RAD54B: variants seen among roughly 807,000 people sequenced by gnomAD.
RAD54B encodes the protein DNA repair and recombination protein RAD54B.
Under a neutral mutation model 95.8 loss-of-function variants are expected in RAD54B, and 78 were observed. The ratio of observed to expected loss-of-function variants is 0.81; its 90% CI spans 0.68 to 0.98. RAD54B has a LOEUF of 0.98. RAD54B is among the 50% of genes least tolerant of loss of function. The pLI, the probability that RAD54B is intolerant of heterozygous loss-of-function variation, is 0.00. For synonymous variants in RAD54B, 328 were observed against 354.9 expected (o/e 0.92, Z 0.85); for missense variants, 957 against 1,056.6 (o/e 0.91, Z 1.31).
intron 3 of RAD54B, among the ~76,000 whole-genome samples, chr8:94,453,856 A>G (rs1032180234): frequency 6.6e-6 from 1 of 152,056 alleles, no homozygotes; most frequent in African/African-American, 2.4e-5. Context: ...CAACGGCGCA[A>G]TCTCGGCTCA....
intron 3 of RAD54B, chr8:94,436,941 A>C (rs1812281308): frequency 6.9e-7 from 1 of 1,451,394 alleles, no homozygotes; most frequent in African/African-American, 1.4e-5. Flanking sequence ...CTCTTTTCAC[A>C]AACAGAAAAA....
At chr8:94,381,884 T>C (rs1472485956) in intron 11 of RAD54B, among the ~76,000 whole-genome samples, 12 of 151,754 alleles carry the variant, frequency 7.9e-5, no homozygotes, top group African/African-American at 1.4e-4. Flanking sequence ...GAGGCCGAGG[T>C]GGGCGGATCA....
chr8:94,436,736 ATCTAT>A, intron 3 of RAD54B: 1 of 1,550,670 alleles, frequency 6.4e-7, no homozygotes. Context: ...ATATCCCAAC[ATCTAT>A]TCTTTTCTAC....
intron 8 of RAD54B, among the ~76,000 whole-genome samples, chr8:94,394,402 T>A (rs1811095475): frequency 7.9e-6 from 1 of 126,608 alleles, no homozygotes; most frequent in Non-Finnish European, 1.7e-5. Flanking sequence ...TCCTTTAAAC[T>A]CAGAATTTTT....
intron 3 of RAD54B, among the ~76,000 whole-genome samples, chr8:94,439,730 G>C (rs908652000): frequency 9.2e-5 from 14 of 152,300 alleles, no homozygotes; most frequent in Non-Finnish European, 8.8e-5. Context: ...ACGTTTTCTG[G>C]TTTACAATTG....
rs369687524 is a variant in RAD54B at position 94,460,114 on chromosome 8, C to T, written c.136-1678G>A. ...CAGAGATTGCAGTGAGCCAAGATTG[C>T]GCCACTGCACTGCAGCCTGGGCAAC... is the stretch of plus-strand genomic sequence containing the variant. On this transcript the variant is annotated intron_variant, in intron 2 of 14. Coordinates refer to ENST00000336148, the MANE Select transcript of RAD54B (RefSeq NM_012415.3). Among the ~76,000 whole-genome samples the T allele has an allele frequency of 1.3e-3, 197 of 151,700 alleles. 1 individual carries two copies. The highest frequency in any genetic ancestry group is 4.4e-3 in the African/African-American group (182 of 41,308).
chr8:94,441,396 A>G (rs1180679162), intron 3 of RAD54B, among the ~76,000 whole-genome samples: 1 of 152,202 alleles, frequency 6.6e-6, no homozygotes, highest in Non-Finnish European at 1.5e-5. Flanking sequence ...TCTGGGTTCT[A>G]TTAGTTTGCT....
Position 94,386,156 on chromosome 8 carries a change from G to A in RAD54B, c.1985+828C>T, listed in dbSNP as rs540078446. ...TCATAACCCAAATCAGTAATTTTAA[G>A]AATCAAAACAAAAATCTTGGTACCA... On this transcript the variant is annotated intron_variant, in intron 11 of 14. Transcript: ENST00000336148. Among the ~76,000 whole-genome samples the A allele has an allele frequency of 2.7e-3, 410 of 152,168 alleles. 1 individual carries two copies. Among genetic ancestry groups the A allele is most frequent in the Non-Finnish European group, 4.3e-3 (289 of 67,994 alleles).
intron 3 of RAD54B, among the ~76,000 whole-genome samples, chr8:94,453,060 G>A (rs974338831): frequency 5.9e-5 from 9 of 152,024 alleles, no homozygotes; most frequent in African/African-American, 2.2e-4. Context: ...ACCTTGTGAT[G>A]AGTATCCTAC....
At chr8:94,430,938 CTCAA>C in intron 3 of RAD54B, 2 of 985,290 alleles carry the variant, frequency 2.0e-6, no homozygotes, top group Non-Finnish European at 1.2e-6. Flanking sequence ...TGCTTATATA[CTCAA>C]TCCACTTTTT....
intron 7 of RAD54B, among the ~76,000 whole-genome samples, chr8:94,399,852 T>C (rs1811226898): frequency 6.6e-6 from 1 of 152,180 alleles, no homozygotes; most frequent in African/African-American, 2.4e-5. Context: ...GCTAGCATGG[T>C]TGGGTTCTGG....
intron 14 of RAD54B, among the ~76,000 whole-genome samples, chr8:94,377,579 A>C (rs1470438578): frequency 7.7e-6 from 1 of 129,542 alleles, no homozygotes; most frequent in African/African-American, 2.9e-5. Flanking sequence ...AAAAAAAAAA[A>C]AACTCTAACT....
intron 11 of RAD54B, among the ~76,000 whole-genome samples, chr8:94,384,817 C>T (rs1324033053): frequency 6.6e-6 from 1 of 152,096 alleles, no homozygotes; most frequent in East Asian, 1.9e-4. Context: ...CTTAAGGACC[C>T]ACAAGGAGTC....
intron 8 of RAD54B, among the ~76,000 whole-genome samples, chr8:94,396,411 GT>G (rs1173500782): frequency 1.3e-5 from 2 of 148,936 alleles, no homozygotes; most frequent in Non-Finnish European, 3.0e-5. Flanking sequence ...CTTTTTCTTT[GT>G]TTTTTGGTTT....
At chr8:94,424,380 C>A (rs1298876200) in intron 3 of RAD54B, among the ~76,000 whole-genome samples, 1 of 152,186 alleles carries the variant, frequency 6.6e-6, no homozygotes, top group Non-Finnish European at 1.5e-5. Context: ...ATGTAAAACA[C>A]AACAGTATTT....
At chr8:94,423,586 C>T (rs531714165) in intron 3 of RAD54B, among the ~76,000 whole-genome samples, 1 of 152,084 alleles carries the variant, frequency 6.6e-6, no homozygotes, top group East Asian at 1.9e-4. Context: ...TTATCAGGAT[C>T]GTATTAATCC....
intron 2 of RAD54B, among the ~76,000 whole-genome samples, 179 bp from the exon 3 acceptor site, chr8:94,458,615 C>T (rs573721410): frequency 9.7e-4 from 148 of 152,112 alleles, no homozygotes; most frequent in African/African-American, 3.4e-3. Flanking sequence ...GCCTGTAATC[C>T]CAACACTTTG....
chr8:94,433,286 A>G (rs1387977157), intron 3 of RAD54B, among the ~76,000 whole-genome samples: 1 of 152,100 alleles, frequency 6.6e-6, no homozygotes, highest in East Asian at 1.9e-4. Context: ...CGTTTTACCT[A>G]TTCTGAACCA....
chr8:94,469,100 G>GTT (rs200717806), intron 1 of RAD54B, among the ~76,000 whole-genome samples: 1,486 of 140,830 alleles, frequency 0.011, 19 homozygotes, highest in African/African-American at 0.033. Flanking sequence ...CCCATCTCTT[G>GTT]TTTTTTTTTT....
Sources: allele counts gnomAD v4.1 joint callset (sites outside exome capture counted in the v4.1 genomes callset), GRCh38; gene constraint gnomAD v4.1.1; transcripts MANE v1.5; gene names NCBI Gene and HGNC (gene_info 2026-07-23, HGNC 2026-07-21).